The following DLG2 variants were observed in gnomAD, a reference collection of about 807,000 sequenced individuals.
DLG2 encodes disks large homolog 2.
In DLG2, 45 loss-of-function variants were observed where a neutral mutation model predicts 132.5. The observed-to-expected ratio is 0.34, with a 90% CI of 0.27 to 0.44. DLG2 has a LOEUF of 0.44. DLG2 is among the 20% of genes least tolerant of loss of function. The pLI is 1.00. For missense variants in DLG2, 1,045 were observed against 1,196.9 expected (o/e 0.87, Z 1.87); for synonymous variants, 424 against 419.6 (o/e 1.01, Z -0.13).
chr11:84,955,286 T>C (rs1591794323), intron 6 of DLG2: 1 of 152,210 alleles, frequency 6.6e-6, no homozygotes, highest in African/African-American at 2.4e-5. Context: ...CGTAATAGCA[T>C]ATTTAATCTT....
intron 18 of DLG2, among the ~76,000 whole-genome samples, chr11:83,769,120 A>AT (rs547208747): frequency 8.7e-4 from 133 of 152,178 alleles, no homozygotes; most frequent in Middle Eastern, 3.4e-3. Flanking sequence ...TTCACTTGTG[A>AT]TTTTTTTCTG....
intron 7 of DLG2, among the ~76,000 whole-genome samples, chr11:84,532,123 T>TTA (rs1555005262): frequency 6.8e-6 from 1 of 146,714 alleles, no homozygotes; most frequent in Non-Finnish European, 1.5e-5. Context: ...GTTCATTTTT[T>TTA]TTTTTTTTTT....
intron 21 of DLG2, among the ~76,000 whole-genome samples, chr11:83,513,324 T>A (rs140371426): frequency 1.3e-3 from 194 of 152,366 alleles, no homozygotes; most frequent in Admixed American, 3.0e-3. Context: ...CATAAATGTC[T>A]TCTTTTGAGA....
intron 18 of DLG2, among the ~76,000 whole-genome samples, chr11:83,729,692 GA>G (rs1414993120): frequency 6.6e-6 from 1 of 152,182 alleles, no homozygotes; most frequent in African/African-American, 2.4e-5. Context: ...CAATTCGGTG[GA>G]ATTGATGAAG....
At chr11:85,265,305 C>T (rs1431334831) in intron 4 of DLG2, among the ~76,000 whole-genome samples, 1 of 152,162 alleles carries the variant, frequency 6.6e-6, no homozygotes, top group Non-Finnish European at 1.5e-5. Flanking sequence ...TGTGTCAAAC[C>T]CAAAACAATT....
chr11:84,808,567 G>C (rs2076241595), intron 6 of DLG2, among the ~76,000 whole-genome samples: 1 of 151,816 alleles, frequency 6.6e-6, no homozygotes. Context: ...CAAACCTCTA[G>C]CAAGACTGAT....
At chr11:84,863,500 C>G (rs575242534) in intron 6 of DLG2, among the ~76,000 whole-genome samples, 1 of 152,170 alleles carries the variant, frequency 6.6e-6, no homozygotes, top group South Asian at 2.1e-4. Flanking sequence ...AATTTTATTT[C>G]TTATTATTTA....
At chr11:85,148,715 T>C (rs1292774905) in intron 5 of DLG2, among the ~76,000 whole-genome samples, 2 of 152,236 alleles carry the variant, frequency 1.3e-5, no homozygotes, top group Non-Finnish European at 2.9e-5. Context: ...TTTGCTTTGA[T>C]GATAGTTTCC....
rs558188496 is a variant in DLG2 at position 85,279,742 on chromosome 11, A to C, written c.186+5478T>G. On this transcript the variant is annotated intron_variant, in intron 4 of 27. Transcript: ENST00000376104. ...AACAGCAAAAAAAAAAATTGTTTTT[A>C]TTTAAATGTCAAGAGCCTCATAGGT... Among the ~76,000 whole-genome samples the C allele has an allele frequency of 3.4e-3, 523 of 152,216 alleles. 3 individuals carry two copies. Among genetic ancestry groups the C allele is most frequent in the Non-Finnish European group, 5.5e-3 (371 of 67,970 alleles).
At chr11:84,066,165 C>T (rs1006148280) in intron 10 of DLG2, among the ~76,000 whole-genome samples, 24 of 152,004 alleles carry the variant, frequency 1.6e-4, no homozygotes, top group South Asian at 4.2e-4. Flanking sequence ...CAAACCCCTA[C>T]GACATGCAAT....
chr11:84,010,476 A>T (rs2094827736), intron 11 of DLG2, among the ~76,000 whole-genome samples: 1 of 151,604 alleles, frequency 6.6e-6, no homozygotes, highest in South Asian at 2.1e-4. Context: ...ATTTAGTTTT[A>T]TTTTTTGTAA....
At chr11:85,467,434 C>A (rs184756810) in intron 3 of DLG2, among the ~76,000 whole-genome samples, 1 of 152,104 alleles carries the variant, frequency 6.6e-6, no homozygotes, top group Non-Finnish European at 1.5e-5. Context: ...CAGTATGATA[C>A]TGGCTGTGGG....
At chr11:84,515,482 A>G (rs1318828515) in intron 7 of DLG2, among the ~76,000 whole-genome samples, 1 of 151,950 alleles carries the variant, frequency 6.6e-6, no homozygotes, top group Admixed American at 6.6e-5. Flanking sequence ...AAAATCATAA[A>G]AAGAGATAAA....
chr11:85,250,273 C>T, intron 4 of DLG2, among the ~76,000 whole-genome samples: 1 of 152,166 alleles, frequency 6.6e-6, no homozygotes, highest in East Asian at 1.9e-4. Flanking sequence ...AAATAATTAA[C>T]TATATATCAG....
intron 3 of DLG2, among the ~76,000 whole-genome samples, chr11:85,310,541 C>A (rs2080251395): frequency 1.3e-5 from 2 of 152,146 alleles, no homozygotes; most frequent in African/African-American, 4.8e-5. Context: ...TCTTGGGCAT[C>A]CCTTTCCCTA....
chr11:84,580,911 A>C (rs1158888738), intron 6 of DLG2, among the ~76,000 whole-genome samples: 1 of 152,170 alleles, frequency 6.6e-6, no homozygotes, highest in Non-Finnish European at 1.5e-5. Flanking sequence ...CAGGTAGTCT[A>C]AATGTAAAGA....
chr11:84,703,874 A>G (rs1328266300), intron 6 of DLG2, among the ~76,000 whole-genome samples: 4 of 124,292 alleles, frequency 3.2e-5, no homozygotes, highest in African/African-American at 1.5e-4. Context: ...ATATATATAT[A>G]TATATATATA....
Position 83,738,900 on chromosome 11 carries a change from T to C in DLG2, c.1825+47790A>G, listed in dbSNP as rs183351074. Among the ~76,000 whole-genome samples the C allele has an allele frequency of 3.3e-5, 5 of 152,314 alleles. No individual in the cohort carries two copies. In the East Asian group the frequency reaches 9.6e-4, roughly 29 times the overall value. On this transcript the variant is annotated intron_variant, in intron 18 of 27. Coordinates refer to ENST00000376104, the MANE Select transcript of DLG2 (RefSeq NM_001142699.3). ...AGGTGAACTTTTAACACACAAATCC[T>C]GCTCAACATCTTTTAAATGTTGCCT...
intron 6 of DLG2, among the ~76,000 whole-genome samples, chr11:85,008,458 A>G (rs936061903): frequency 6.6e-6 from 1 of 152,096 alleles, no homozygotes; most frequent in African/African-American, 2.4e-5. Flanking sequence ...GATTAATAGT[A>G]TATTTCTTTT....
Sources: allele counts gnomAD v4.1 joint callset (sites outside exome capture counted in the v4.1 genomes callset), GRCh38; gene constraint gnomAD v4.1.1; transcripts MANE v1.5; gene names NCBI Gene and HGNC (gene_info 2026-07-23, HGNC 2026-07-21).